DUSP22: variants seen among roughly 807,000 people sequenced by gnomAD.
The protein encoded by DUSP22 is dual specificity protein phosphatase 22.
DUSP22 carries 24 observed loss-of-function variants against 24.5 expected under a neutral mutation model. The observed-to-expected ratio is 0.98, with a 90% CI of 0.71 to 1.38. DUSP22 has a LOEUF of 1.38. Among genes scored for constraint, DUSP22 ranks in the 40% most tolerant of loss-of-function variants. The pLI, the probability that DUSP22 is intolerant of heterozygous loss-of-function variation, is 0.00. For synonymous variants in DUSP22, 160 were observed against 106.4 expected (o/e 1.50, Z -3.10); for missense variants, 330 against 269.2 (o/e 1.23, Z -1.58).
chr6:324,431 CAG>C (rs1347553722), intron 3 of DUSP22, among the ~76,000 whole-genome samples: 19 of 152,420 alleles, frequency 1.2e-4, no homozygotes, highest in African/African-American at 3.6e-4. Flanking sequence ...CCGCGGAGCA[CAG>C]GAATGCAGCA....
At chr6:331,432 T>C (rs1382704104) in intron 3 of DUSP22, among the ~76,000 whole-genome samples, 1 of 150,774 alleles carries the variant, frequency 6.6e-6, no homozygotes, top group East Asian at 1.9e-4. Flanking sequence ...TTTTATTGCT[T>C]TTTTTTTAAC....
intron 3 of DUSP22, among the ~76,000 whole-genome samples, chr6:322,166 A>T (rs1380312114): frequency 1.3e-5 from 2 of 152,418 alleles, no homozygotes; most frequent in Non-Finnish European, 2.9e-5. Flanking sequence ...TATCATCTAC[A>T]TAGTGTATCT....
At chr6:331,990 A>G (rs1759161485) in intron 3 of DUSP22, among the ~76,000 whole-genome samples, 1 of 152,310 alleles carries the variant, frequency 6.6e-6, no homozygotes. Flanking sequence ...TGTGGGCTGA[A>G]GCCCAGCTCT....
intron 1 of DUSP22, among the ~76,000 whole-genome samples, chr6:294,417 A>G (rs9405555): frequency 0.11 from 17,116 of 149,890 alleles, 340 homozygotes; most frequent in East Asian, 0.24. Context: ...CCTTCAGTAC[A>G]GGTCAGCATT....
chr6:305,988 C>A (rs575048982), intron 2 of DUSP22, among the ~76,000 whole-genome samples: 13 of 152,414 alleles, frequency 8.5e-5, no homozygotes, highest in African/African-American at 3.1e-4. Flanking sequence ...CCCCAGCTCA[C>A]TATTAGGCCT....
chr6:344,157 C>T (rs112911978), intron 4 of DUSP22, among the ~76,000 whole-genome samples: 3 of 151,490 alleles, frequency 2.0e-5, no homozygotes, highest in East Asian at 3.9e-4. Context: ...GGCACAAGGC[C>T]GTGCAACCAG....
intron 2 of DUSP22, among the ~76,000 whole-genome samples, chr6:305,255 G>A (rs1000362493): frequency 2.0e-5 from 3 of 152,292 alleles, no homozygotes; most frequent in African/African-American, 4.8e-5. Context: ...TGGGTGCACC[G>A]CAGCCCCTTG....
intron 5 of DUSP22, 46 bp downstream of exon 5, chr6:345,974 G>A (rs1449514505): frequency 1.9e-6 from 3 of 1,607,020 alleles, no homozygotes. Context: ...ATTCTGGTCG[G>A]CTTGGCTTCC....
At position 298,049 on chromosome 6, in the gene DUSP22, T is replaced by A. The variant is rs542081930; in HGVS notation, c.21+5489T>A. Among the ~76,000 whole-genome samples the A allele has an allele frequency of 3.3e-5, 5 of 152,422 alleles. No homozygotes were observed. In the South Asian group the frequency reaches 1.0e-3, roughly 32 times the overall value. ...CTGCAGGAAATGAACACTCAGCCACTGCTGCAGGACTGACAGACAGATGGC... is the reference window on the plus strand; with the variant it reads ...CTGCAGGAAATGAACACTCAGCCACAGCTGCAGGACTGACAGACAGATGGC... On this transcript the variant is annotated intron_variant, in intron 1 of 6. Coordinates refer to ENST00000419235, the MANE Select transcript of DUSP22 (RefSeq NM_001286555.3).
Position 295,813 on chromosome 6 carries a change from A to C in DUSP22, c.21+3253A>C, listed in dbSNP as rs973460343. 7.9e-5 allele frequency among the ~76,000 whole-genome samples: 12 copies of C among 152,358 alleles called. No homozygotes were observed. The South Asian group carries it at 8.3e-4, about 11-fold the overall frequency. ...AGACCCTGTTTCAAAAAAAAAAAAA[A>C]AAAAACCCAACAACAACACAGTTGT... is the stretch of plus-strand genomic sequence containing the variant. On this transcript the variant is annotated intron_variant, in intron 1 of 6. Transcript: ENST00000419235.
In DUSP22 at chr6:312,105, C is replaced by T. The variant is rs537913045; in HGVS notation, c.138+143C>T. ...GGCGGCATTCCCATTGTGTTCAGGC[C>T]GTGTTGATGTTAACACGCTGTCTGT... On this transcript the variant is annotated intron_variant, in intron 3 of 6. Transcript: ENST00000419235. 1.7e-4 allele frequency: 157 copies of T among 935,386 alleles called. No homozygotes were observed. In the African/African-American group the frequency reaches 2.2e-3, roughly 13 times the overall value. The allele number at this position is 935,386 out of a possible 1,614,324, so 57.9% of individuals were successfully genotyped here. A position where few individuals can be genotyped will look rare whatever the true frequency, so the allele number is the denominator to read the frequency against.
At chr6:309,815 T>C (rs1023811124) in intron 2 of DUSP22, among the ~76,000 whole-genome samples, 2 of 152,306 alleles carry the variant, frequency 1.3e-5, no homozygotes, top group Non-Finnish European at 2.9e-5. Context: ...TGTTTGTCTC[T>C]GCATTTTTAT....
intron 4 of DUSP22, among the ~76,000 whole-genome samples, chr6:336,164 T>G (rs1759354211): frequency 6.6e-6 from 1 of 152,308 alleles, no homozygotes; most frequent in African/African-American, 2.4e-5. Context: ...AGGCTGGGGC[T>G]GGAAGTAAAG....
intron 1 of DUSP22, among the ~76,000 whole-genome samples, chr6:296,733 G>T (rs1414034913): frequency 1.3e-5 from 2 of 152,306 alleles, no homozygotes; most frequent in Non-Finnish European, 2.9e-5. Flanking sequence ...GTCAGAGAAG[G>T]CTGCCCCAAA....
At chr6:324,494 TGAG>T (rs1758758883) in intron 3 of DUSP22, among the ~76,000 whole-genome samples, 2 of 152,424 alleles carry the variant, frequency 1.3e-5, no homozygotes, top group South Asian at 4.1e-4. Context: ...CTCCTGGTGT[TGAG>T]GAGAAACAGA....
At chr6:297,441 T>G (rs1427874155) in intron 1 of DUSP22, among the ~76,000 whole-genome samples, 1 of 152,308 alleles carries the variant, frequency 6.6e-6, no homozygotes, top group East Asian at 1.9e-4. Flanking sequence ...TGGGAAAGGA[T>G]TATAATTCAA....
chr6:350,204 T>C lies in DUSP22; in HGVS notation c.*1253T>C, dbSNP rs1444507565. The C allele has an allele frequency of 1.0e-6, 1 of 987,422 alleles. No individual in the cohort carries two copies. The highest frequency in any genetic ancestry group is 4.7e-5 in the South Asian group (1 of 21,396). The allele number at this position is 987,422 out of a possible 1,614,324, so 61.2% of individuals were successfully genotyped here. ...GAAACCAAAGGGGAAGGTACCGATA[T>C]CATTGAGCTATTTAAAGTTGCCAGT... On this transcript the variant is annotated 3_prime_UTR_variant, in exon 7 of 7. Coordinates refer to ENST00000419235, the MANE Select transcript of DUSP22 (RefSeq NM_001286555.3).
Position 350,662 on chromosome 6 carries a change from T to C in DUSP22, c.*1711T>C. 6.6e-7 allele frequency: 1 copy of C among 1,521,660 alleles called. No homozygotes were observed. Among genetic ancestry groups the C allele is most frequent in the East Asian group, 2.4e-5 (1 of 41,608 alleles). 94.3% of individuals were successfully genotyped at this position (1,521,660 alleles called of 1,614,324 possible). ...TAAAACAATTTGCCAATAAAGTACA[T>C]GTTTTTCCTAAGCCAAAAATAAATA... On this transcript the variant is annotated 3_prime_UTR_variant, in exon 7 of 7. Transcript: ENST00000419235.
intron 2 of DUSP22, among the ~76,000 whole-genome samples, chr6:307,278 C>T (rs1052891536): frequency 9.9e-5 from 15 of 152,282 alleles, no homozygotes; most frequent in Non-Finnish European, 2.1e-4. Flanking sequence ...TCCTTCCTCC[C>T]CTCCCTTCTC....
Sources: gnomAD v4.1 joint callset for allele counts (sites outside exome capture counted in the v4.1 genomes callset) on GRCh38, gnomAD v4.1.1 for gene constraint, MANE v1.5 for transcripts, NCBI Gene and HGNC (gene_info 2026-07-23, HGNC 2026-07-21) for gene names.